The following HS6ST3 variants were observed in gnomAD, a reference collection of about 807,000 sequenced individuals.
HS6ST3 encodes the protein heparan sulfate 6-O-sulfotransferase 3, also known as heparan-sulfate 6-O-sulfotransferase 3.
Under a neutral mutation model 36.7 loss-of-function variants are expected in HS6ST3, and 12 were observed. The ratio of observed to expected loss-of-function variants is 0.33; its 90% CI spans 0.21 to 0.53. The LOEUF is 0.53. Ranked by LOEUF, HS6ST3 falls within the 20% of genes least tolerant of loss-of-function variation. HS6ST3 has a pLI of 0.95. For synonymous variants in HS6ST3, 240 were observed against 257.5 expected (o/e 0.93, Z 0.65); for missense variants, 584 against 640.9 (o/e 0.91, Z 0.96).
chr13:96,504,444 G>A (rs2056017900), intron 1 of HS6ST3, among the ~76,000 whole-genome samples: 1 of 152,150 alleles, frequency 6.6e-6, no homozygotes, highest in African/African-American at 2.4e-5. Flanking sequence ...CAACTGCTTA[G>A]CAATGAATGT....
intron 1 of HS6ST3, among the ~76,000 whole-genome samples, chr13:96,465,836 ACTCT>A (rs2055810841): frequency 6.6e-6 from 1 of 152,254 alleles, no homozygotes; most frequent in South Asian, 2.1e-4. Flanking sequence ...CATTAACAAC[ACTCT>A]CTATGAGCCA....
At chr13:96,595,648 C>G (rs1163953476) in intron 1 of HS6ST3, among the ~76,000 whole-genome samples, 1 of 151,824 alleles carries the variant, frequency 6.6e-6, no homozygotes, top group Non-Finnish European at 1.5e-5. Flanking sequence ...TTCTATTCTC[C>G]CTCTTACATT....
At chr13:96,491,750 C>G (rs1016088380) in intron 1 of HS6ST3, among the ~76,000 whole-genome samples, 1 of 152,210 alleles carries the variant, frequency 6.6e-6, no homozygotes, top group East Asian at 1.9e-4. Context: ...GTCTCTGTCA[C>G]ATGCTAAACC....
chr13:96,258,498 A>G (rs766175991), intron 1 of HS6ST3, among the ~76,000 whole-genome samples: 3 of 152,320 alleles, frequency 2.0e-5, no homozygotes, highest in Non-Finnish European at 2.9e-5. Flanking sequence ...ATGAGCCCCA[A>G]TTGTTTGTTG....
chr13:96,498,411 TCA>T (rs892663596), intron 1 of HS6ST3, among the ~76,000 whole-genome samples: 16 of 152,256 alleles, frequency 1.1e-4, no homozygotes, highest in African/African-American at 3.8e-4. Flanking sequence ...TTTTCGGGTA[TCA>T]GTTTCTGAGT....
chr13:96,832,747 G>A lies in HS6ST3; in HGVS notation c.965G>A (p.Cys322Tyr). The change falls in exon 2 of 2, where the codon TGC becomes TAC. Residue 322 changes from cysteine to tyrosine, a missense_variant. Physicochemically the swap from Cys to Tyr is radical, Grantham distance 194 (BLOSUM62 -2). Around this residue, in one of 3 missense-constraint regions of HS6ST3, gnomAD observed 360 missense variants for 411.3 expected, o/e 0.88. Transcript: ENST00000376705. The stretch of plus-strand genomic sequence containing the variant: ...CTGGCTGACCTCAGCCTGGTGGGCT[G>A]CTATAACTTGACTTTCATGAACGAG... The part of the protein sequence containing the change: ...RMLADLSLVG[C>Y]YNLTFMNESE... 6.2e-7 allele frequency: 1 copy of A among 1,614,160 alleles called. No individual in the cohort carries two copies. The highest frequency in any genetic ancestry group is 8.5e-7 in the Non-Finnish European group (1 of 1,180,014).
At chr13:96,671,890 T>C (rs1566426220) in intron 1 of HS6ST3, among the ~76,000 whole-genome samples, 1 of 152,168 alleles carries the variant, frequency 6.6e-6, no homozygotes, top group African/African-American at 2.4e-5. Flanking sequence ...TTATGATTTA[T>C]TCAATCTTAA....
chr13:96,393,376 A>T (rs1193068603), intron 1 of HS6ST3, among the ~76,000 whole-genome samples: 4 of 152,192 alleles, frequency 2.6e-5, no homozygotes, highest in African/African-American at 9.7e-5. Flanking sequence ...AAACTATTAA[A>T]TGTGTGACAA....
At chr13:96,332,347 G>T (rs370439811) in intron 1 of HS6ST3, among the ~76,000 whole-genome samples, 7 of 152,254 alleles carry the variant, frequency 4.6e-5, no homozygotes, top group South Asian at 2.1e-4. Context: ...GTAAAATTTG[G>T]ATCTTAGTTC....
Position 96,091,021 on chromosome 13 carries a change from T to A in HS6ST3, c.159T>A (p.Gly53=). 8.0e-7 allele frequency: 1 copy of A among 1,255,806 alleles called. No individual in the cohort carries two copies. Among genetic ancestry groups the A allele is most frequent in the Non-Finnish European group, 1.0e-6 (1 of 998,480 alleles). 77.8% of individuals were successfully genotyped at this position (1,255,806 alleles called of 1,614,324 possible). A position where few individuals can be genotyped will look rare whatever the true frequency, so the allele number is the denominator to read the frequency against. The stretch of plus-strand genomic sequence containing the variant: ...AGGCCGGCCCGCCCGCCGTCCCGGG[T>A]CCCGCCCGCCGGGCTCAGGCGCCGC... ...AGEAGPPAVP[G]PARRAQAPPE... Residue 53 remains glycine (G), a synonymous_variant, in exon 1 of 2, where the codon GGT becomes GGA. Coordinates refer to ENST00000376705, the MANE Select transcript of HS6ST3 (RefSeq NM_153456.4).
intron 1 of HS6ST3, among the ~76,000 whole-genome samples, chr13:96,541,001 G>A (rs1281898564): frequency 6.6e-6 from 1 of 152,096 alleles, no homozygotes; most frequent in Non-Finnish European, 1.5e-5. Context: ...GAGCTGGGAA[G>A]GATACTAGAG....
rs180964907 is a variant in HS6ST3, at chr13:96,447,618, A to G, written c.707+356049A>G. Among the ~76,000 whole-genome samples, 25 of 152,106 alleles carry G rather than the reference A, an allele frequency of 1.6e-4. 1 individual carries two copies. In the East Asian group the frequency reaches 4.7e-3, roughly 28 times the overall value. On this transcript the variant is annotated intron_variant, in intron 1 of 1. Coordinates refer to ENST00000376705, the MANE Select transcript of HS6ST3 (RefSeq NM_153456.4). ...CCTGTCAACATGGCTGCCCCCACAT[A>G]TCCCCACGTGTGTAGAACATCATGG...
At chr13:96,606,212 A>G (rs1212855661) in intron 1 of HS6ST3, among the ~76,000 whole-genome samples, 1 of 152,174 alleles carries the variant, frequency 6.6e-6, no homozygotes, top group Non-Finnish European at 1.5e-5. Context: ...CAGCAATCCC[A>G]TTACTGTGTA....
At chr13:96,163,750 G>A (rs2054148373) in intron 1 of HS6ST3, among the ~76,000 whole-genome samples, 2 of 152,078 alleles carry the variant, frequency 1.3e-5, no homozygotes, top group African/African-American at 4.8e-5. Context: ...CATTATTAAA[G>A]TACTACTGCA....
intron 1 of HS6ST3, among the ~76,000 whole-genome samples, chr13:96,135,576 G>A (rs1428371298): frequency 1.3e-5 from 2 of 152,122 alleles, no homozygotes; most frequent in Non-Finnish European, 2.9e-5. Flanking sequence ...TGCAATGGGT[G>A]GAATTTACAG....
chr13:96,153,926 G>A (rs1238286217), intron 1 of HS6ST3, among the ~76,000 whole-genome samples: 2 of 152,262 alleles, frequency 1.3e-5, no homozygotes, highest in Non-Finnish European at 1.5e-5. Flanking sequence ...AGGGACACAG[G>A]CCCTGAATTT....
At chr13:96,757,352 C>T (rs562230522) in intron 1 of HS6ST3, among the ~76,000 whole-genome samples, 1 of 152,282 alleles carries the variant, frequency 6.6e-6, no homozygotes, top group African/African-American at 2.4e-5. Context: ...TCATAAGTGC[C>T]ACTCAAAGTC....
At chr13:96,312,364 C>A (rs867195516) in intron 1 of HS6ST3, among the ~76,000 whole-genome samples, 1 of 152,066 alleles carries the variant, frequency 6.6e-6, no homozygotes, top group Admixed American at 6.6e-5. Context: ...TAGTTTCTAA[C>A]GTGATTACAT....
At chr13:96,449,871 A>G (rs1028573947) in intron 1 of HS6ST3, among the ~76,000 whole-genome samples, 1 of 152,220 alleles carries the variant, frequency 6.6e-6, no homozygotes, top group African/African-American at 2.4e-5. Context: ...TATAAAAATG[A>G]TGATAGAATT....
Sources: allele counts gnomAD v4.1 joint callset (sites outside exome capture counted in the v4.1 genomes callset), GRCh38; gene constraint gnomAD v4.1.1; regional missense constraint gnomAD v4.1.1; transcripts MANE v1.5; gene names NCBI Gene and HGNC (gene_info 2026-07-23, HGNC 2026-07-21).